Variants in CBFB observed in about 807,000 individuals in gnomAD.
CBFB encodes the protein core-binding factor subunit beta.
In CBFB, 9 loss-of-function variants were observed where a neutral mutation model predicts 30.4. The observed-to-expected ratio is 0.30, with a 90% CI of 0.18 to 0.52. The LOEUF is 0.52. CBFB is among the 20% of genes least tolerant of loss of function. The pLI, the probability that CBFB is intolerant of heterozygous loss-of-function variation, is 0.97. For missense variants in CBFB, 170 were observed against 244.0 expected, an observed-to-expected ratio of 0.70 and a Z score of 2.02; for synonymous variants, 94 against 84.0, an observed-to-expected ratio of 1.12 and a Z score of -0.65.
chr16:67,052,862 C>T (rs1960596215), intron 3 of CBFB, among the ~76,000 whole-genome samples: 3 of 151,898 alleles, frequency 2.0e-5, no homozygotes, highest in Admixed American at 6.6e-5. Context: ...ACTTGGGAGG[C>T]TGAGGCAGGA....
intron 2 of CBFB, among the ~76,000 whole-genome samples, chr16:67,033,989 C>T (rs1329850664): frequency 2.6e-5 from 4 of 151,938 alleles, no homozygotes; most frequent in Non-Finnish European, 2.9e-5. Flanking sequence ...CCACCACACC[C>T]GGCTAATTTT....
chr16:67,063,019 T>C (rs1343726372), intron 3 of CBFB, among the ~76,000 whole-genome samples: 4 of 152,144 alleles, frequency 2.6e-5, no homozygotes, highest in African/African-American at 7.2e-5. Flanking sequence ...GTTAGCCTTC[T>C]AACAGGGTTT....
intron 4 of CBFB, among the ~76,000 whole-genome samples, chr16:67,070,214 A>G (rs1961180778): frequency 6.6e-6 from 1 of 152,242 alleles, no homozygotes; most frequent in African/African-American, 2.4e-5. Context: ...AAAGCTTAGG[A>G]TTCAAAGTTA....
intron 5 of CBFB, among the ~76,000 whole-genome samples, chr16:67,085,273 G>A (rs904017687): frequency 1.3e-5 from 2 of 150,278 alleles, no homozygotes; most frequent in African/African-American, 4.9e-5. Context: ...GGGTTCAAGC[G>A]ATTCTCCTGC....
At chr16:67,096,757 G>A (rs770815441) in intron 5 of CBFB, among the ~76,000 whole-genome samples, 3 of 148,330 alleles carry the variant, frequency 2.0e-5, no homozygotes, top group Admixed American at 6.7e-5. Flanking sequence ...GGTGAATCAC[G>A]AGGTCAGGAG....
chr16:67,084,434 T>C (rs2145774591), intron 5 of CBFB, among the ~76,000 whole-genome samples: 1 of 152,212 alleles, frequency 6.6e-6, no homozygotes, highest in Middle Eastern at 3.4e-3. Flanking sequence ...GTACCTAAGA[T>C]TGTTAAATTC....
Position 67,067,421 on chromosome 16 carries a change from G to A in CBFB, c.399+623G>A, listed in dbSNP as rs188733133. 2.0e-3 allele frequency among the ~76,000 whole-genome samples: 301 copies of A among 152,256 alleles called. 1 individual carries two copies. Among genetic ancestry groups the A allele is most frequent in the African/African-American group, 6.4e-3 (267 of 41,562 alleles). ...TAATCCCAGCTACTTGGGAAGTTGA[G>A]GCACGAGAATCGCTCGAACCCAGGA... On this transcript the variant is annotated intron_variant, in intron 4 of 5. Coordinates refer to ENST00000412916, the MANE Select transcript of CBFB (RefSeq NM_022845.3).
chr16:67,038,381 T>C (rs1966478106), intron 3 of CBFB, among the ~76,000 whole-genome samples: 2 of 151,858 alleles, frequency 1.3e-5, no homozygotes, highest in African/African-American at 4.8e-5. Context: ...TGTGTATGTA[T>C]ATACATATAT....
chr16:67,037,603 G>A (rs1966463580), intron 3 of CBFB, among the ~76,000 whole-genome samples: 1 of 151,628 alleles, frequency 6.6e-6, no homozygotes, highest in Non-Finnish European at 1.5e-5. Flanking sequence ...CAAAAATATA[G>A]GTAAAATGTT....
chr16:67,055,978 G>C (rs192388322), intron 3 of CBFB, among the ~76,000 whole-genome samples: 209 of 152,272 alleles, frequency 1.4e-3, no homozygotes, highest in African/African-American at 4.8e-3. Flanking sequence ...GGAATATCTT[G>C]TTTTCTTGGG....
intron 4 of CBFB, among the ~76,000 whole-genome samples, chr16:67,074,431 G>A (rs1458885789): frequency 6.7e-6 from 1 of 149,694 alleles, no homozygotes; most frequent in Non-Finnish European, 1.5e-5. Context: ...TCACCAGGCT[G>A]GAGTGCAGTG....
intron 3 of CBFB, among the ~76,000 whole-genome samples, chr16:67,061,503 A>G (rs896854685): frequency 6.6e-6 from 1 of 152,202 alleles, no homozygotes; most frequent in African/African-American, 2.4e-5. Flanking sequence ...TTCACTGTGT[A>G]TTAAATGACA....
chr16:67,058,189 G>A (rs1287237758), intron 3 of CBFB, among the ~76,000 whole-genome samples: 1 of 152,116 alleles, frequency 6.6e-6, no homozygotes, highest in African/African-American at 2.4e-5. Context: ...CGCCCAGGCT[G>A]GAGTGCAGTG....
chr16:67,062,563 G>A (rs1282148306), intron 3 of CBFB, among the ~76,000 whole-genome samples: 3 of 151,546 alleles, frequency 2.0e-5, no homozygotes, highest in South Asian at 2.1e-4. Context: ...AGGCCAAGGC[G>A]GGCGGATCAC....
chr16:67,050,238 A>C (rs1328960869), intron 3 of CBFB, among the ~76,000 whole-genome samples: 1 of 147,720 alleles, frequency 6.8e-6, no homozygotes, highest in East Asian at 1.9e-4. Flanking sequence ...ATTTATATGT[A>C]ATATATATCA....
At chr16:67,030,248 G>C in intron 2 of CBFB, 1 of 159,404 alleles carries the variant, frequency 6.3e-6, no homozygotes, top group Non-Finnish European at 1.4e-5. Context: ...CTCACTACCA[G>C]ATCGCCGAGT....
intron 2 of CBFB, among the ~76,000 whole-genome samples, chr16:67,035,392 T>A (rs1424352477): frequency 5.3e-5 from 8 of 152,142 alleles, no homozygotes; most frequent in Non-Finnish European, 1.0e-4. Flanking sequence ...CCTGAAAGAT[T>A]TTTTAAAATG....
At chr16:67,050,646 A>G (rs1966725036) in intron 3 of CBFB, among the ~76,000 whole-genome samples, 1 of 152,086 alleles carries the variant, frequency 6.6e-6, no homozygotes, top group Non-Finnish European at 1.5e-5. Flanking sequence ...TTTAAAAATT[A>G]GCCGGGTATG....
At chr16:67,079,827 C>A (rs910195449) in intron 4 of CBFB, among the ~76,000 whole-genome samples, 1 of 152,088 alleles carries the variant, frequency 6.6e-6, no homozygotes, top group East Asian at 1.9e-4. Context: ...TGGATCTTTT[C>A]GTTTCTTCAA....
Sources: allele counts gnomAD v4.1 joint callset (sites outside exome capture counted in the v4.1 genomes callset), GRCh38; gene constraint gnomAD v4.1.1; transcripts MANE v1.5; gene names NCBI Gene and HGNC (gene_info 2026-07-23, HGNC 2026-07-21).